ANTXR1: variants seen among roughly 807,000 people sequenced by gnomAD.
The protein encoded by ANTXR1 is anthrax toxin receptor 1.
Under a neutral mutation model 78.1 loss-of-function variants are expected in ANTXR1, and 19 were observed. That is an observed-to-expected ratio of 0.24 (90% CI 0.17 to 0.36). ANTXR1 has a LOEUF of 0.36. Ranked by LOEUF, ANTXR1 falls within the 10% of genes least tolerant of loss-of-function variation. The pLI is 1.00. For missense variants in ANTXR1, 518 were observed against 718.6 expected, an observed-to-expected ratio of 0.72 and a Z score of 3.19; for synonymous variants, 273 against 260.5, an observed-to-expected ratio of 1.05 and a Z score of -0.46.
intron 9 of ANTXR1, among the ~76,000 whole-genome samples, chr2:69,092,839 G>A (rs1172056872): frequency 6.6e-6 from 1 of 152,212 alleles, no homozygotes; most frequent in African/African-American, 2.4e-5. Flanking sequence ...GAGGAATTGA[G>A]TAGGATATTT....
intron 13 of ANTXR1, among the ~76,000 whole-genome samples, chr2:69,152,974 C>T (rs1447060845): frequency 6.6e-6 from 1 of 152,198 alleles, no homozygotes; most frequent in East Asian, 1.9e-4. Flanking sequence ...AATTTCTGTT[C>T]CCTGGCCCTT....
intron 1 of ANTXR1, among the ~76,000 whole-genome samples, chr2:69,021,435 T>C (rs1289545287): frequency 6.6e-6 from 1 of 152,226 alleles, no homozygotes; most frequent in Non-Finnish European, 1.5e-5. Flanking sequence ...ATTCTCTGCA[T>C]ATACTACATG....
intron 17 of ANTXR1, 79 bp from the exon 18 acceptor site, chr2:69,245,146 G>A: frequency 6.4e-7 from 1 of 1,567,982 alleles, no homozygotes; most frequent in Non-Finnish European, 8.8e-7. Flanking sequence ...CATATTGCTT[G>A]CAAGCCGCCC....
intron 3 of ANTXR1, among the ~76,000 whole-genome samples, chr2:69,062,492 A>G (rs1338359410): frequency 6.6e-6 from 1 of 152,184 alleles, no homozygotes; most frequent in Non-Finnish European, 1.5e-5. Context: ...AATAACAGGG[A>G]ACATGAATCT....
chr2:69,196,041 C>A (rs1477050570), intron 17 of ANTXR1, among the ~76,000 whole-genome samples: 1 of 152,038 alleles, frequency 6.6e-6, no homozygotes, highest in African/African-American at 2.4e-5. Context: ...TGTTTGGGAG[C>A]AAAATGCTGG....
intron 3 of ANTXR1, among the ~76,000 whole-genome samples, chr2:69,048,540 A>G (rs2104106838): frequency 6.6e-6 from 1 of 152,308 alleles, no homozygotes; most frequent in East Asian, 1.9e-4. Flanking sequence ...ATTATGATAT[A>G]AGGTACAAGG....
At chr2:69,243,540 G>A (rs1675939788) in intron 17 of ANTXR1, among the ~76,000 whole-genome samples, 1 of 152,150 alleles carries the variant, frequency 6.6e-6, no homozygotes, top group Non-Finnish European at 1.5e-5. Flanking sequence ...GCACAAGGAG[G>A]GAAGGTTTGC....
chr2:69,132,438 T>G (rs1327340675), intron 12 of ANTXR1, among the ~76,000 whole-genome samples: 3 of 152,232 alleles, frequency 2.0e-5, no homozygotes, highest in Non-Finnish European at 1.5e-5. Context: ...AAATCCAGCC[T>G]GGTTTTGTAG....
At chr2:69,103,479 A>G (rs1671700122) in intron 10 of ANTXR1, 1 of 172,240 alleles carries the variant, frequency 5.8e-6, no homozygotes, top group Admixed American at 5.5e-5. Context: ...AATCTGGATG[A>G]TTCTTGCGTG....
intron 9 of ANTXR1, among the ~76,000 whole-genome samples, chr2:69,100,457 T>C (rs1671572312): frequency 6.6e-6 from 1 of 152,210 alleles, no homozygotes; most frequent in Admixed American, 6.5e-5. Flanking sequence ...TGCCACATCA[T>C]GGATTCCTGC....
intron 8 of ANTXR1, among the ~76,000 whole-genome samples, chr2:69,085,040 G>C (rs2104262889): frequency 6.6e-6 from 1 of 152,024 alleles, no homozygotes; most frequent in South Asian, 2.1e-4. Flanking sequence ...TTTTAGTAGA[G>C]ACGGGGCAAC....
intron 16 of ANTXR1, among the ~76,000 whole-genome samples, chr2:69,190,215 C>G (rs1395641250): frequency 1.3e-5 from 2 of 152,196 alleles, no homozygotes; most frequent in Non-Finnish European, 2.9e-5. Flanking sequence ...CACAGCGGAT[C>G]TCCCCAAAGA....
At chr2:69,058,183 A>G (rs1160634954) in intron 3 of ANTXR1, among the ~76,000 whole-genome samples, 1 of 152,220 alleles carries the variant, frequency 6.6e-6, no homozygotes, top group African/African-American at 2.4e-5. Flanking sequence ...TTTAGCTAAG[A>G]TCGTTGGTGA....
chr2:69,106,013 CTT>C (rs1260764754), intron 10 of ANTXR1, among the ~76,000 whole-genome samples: 2 of 152,118 alleles, frequency 1.3e-5, no homozygotes, highest in East Asian at 3.9e-4. Flanking sequence ...AGTCTTAAAA[CTT>C]AATTTAAAAG....
chr2:69,089,875 T>G (rs556451554), intron 8 of ANTXR1, among the ~76,000 whole-genome samples: 6 of 152,312 alleles, frequency 3.9e-5, no homozygotes, highest in African/African-American at 1.4e-4. Context: ...TGTCTTATAC[T>G]TGTTAAAAAT....
chr2:69,060,375 C>T (rs1670198515), intron 3 of ANTXR1, among the ~76,000 whole-genome samples: 1 of 152,138 alleles, frequency 6.6e-6, no homozygotes, highest in African/African-American at 2.4e-5. Flanking sequence ...TCCTCCAAAG[C>T]TCATGCTTCT....
At chr2:69,044,893 C>A in intron 3 of ANTXR1, 80 bp downstream of exon 3, 1 of 1,401,922 alleles carries the variant, frequency 7.1e-7, no homozygotes, top group Non-Finnish European at 1.0e-6. Flanking sequence ...TGGTGCCAGC[C>A]TTGACCTGTT....
intron 13 of ANTXR1, among the ~76,000 whole-genome samples, chr2:69,162,020 T>G (rs1558611805): frequency 9.9e-5 from 15 of 151,396 alleles, no homozygotes; most frequent in Middle Eastern, 3.4e-3. Context: ...TCATCATTTG[T>G]GGAAAAAAAA....
chr2:69,212,778 A>C (rs765810796), intron 17 of ANTXR1, among the ~76,000 whole-genome samples: 21 of 151,974 alleles, frequency 1.4e-4, no homozygotes, highest in Non-Finnish European at 2.5e-4. Context: ...CTGCCTCCCA[A>C]GTAGCTGGGA....
Sources: allele counts gnomAD v4.1 joint callset (sites outside exome capture counted in the v4.1 genomes callset), GRCh38; gene constraint gnomAD v4.1.1; transcripts MANE v1.5; gene names NCBI Gene and HGNC (gene_info 2026-07-23, HGNC 2026-07-21).